The following STIM1 variants were observed in gnomAD, a reference collection of about 807,000 sequenced individuals.
STIM1 encodes stromal interaction molecule 1.
STIM1 carries 25 observed loss-of-function variants against 74.7 expected under a neutral mutation model. The ratio of observed to expected loss-of-function variants is 0.33; its 90% CI spans 0.24 to 0.47. STIM1 has a LOEUF of 0.47. STIM1 is among the 20% of genes least tolerant of loss of function. The pLI is 1.00. For missense variants in STIM1, 728 were observed against 920.8 expected, an observed-to-expected ratio of 0.79 and a Z score of 2.71; for synonymous variants, 328 against 348.8, an observed-to-expected ratio of 0.94 and a Z score of 0.66.
chr11:3,895,865 C>CTT (rs2092144431), intron 1 of STIM1, among the ~76,000 whole-genome samples: 3 of 93,422 alleles, frequency 3.2e-5, no homozygotes, highest in East Asian at 2.7e-4. Context: ...CTCTCTCTCT[C>CTT]TCTTTCTTTT....
intron 1 of STIM1, among the ~76,000 whole-genome samples, chr11:3,897,623 T>C (rs1485150393): frequency 1.3e-5 from 2 of 152,182 alleles, no homozygotes; most frequent in Non-Finnish European, 2.9e-5. Flanking sequence ...TAACTCGTCA[T>C]TTAGCATTAG....
At chr11:3,974,513 CAA>C (rs554777497) in intron 2 of STIM1, among the ~76,000 whole-genome samples, 12 of 70,264 alleles carry the variant, frequency 1.7e-4, no homozygotes, top group South Asian at 4.5e-4. Context: ...CTATCTCTAC[CAA>C]AAAAAAAAAA....
chr11:4,089,055 G>C (rs781716195), intron 12 of STIM1: 13 of 300,052 alleles, frequency 4.3e-5, no homozygotes, highest in Non-Finnish European at 7.9e-5. Flanking sequence ...AACAAAGTGA[G>C]ACCCTGTCTC....
chr11:3,891,453 C>T (rs983061378), intron 1 of STIM1, among the ~76,000 whole-genome samples: 11 of 151,866 alleles, frequency 7.2e-5, no homozygotes, highest in Non-Finnish European at 1.2e-4. Flanking sequence ...CCACCATATC[C>T]GGCTAATTTT....
At chr11:3,960,808 C>G (rs567489490) in intron 1 of STIM1, among the ~76,000 whole-genome samples, 1 of 152,280 alleles carries the variant, frequency 6.6e-6, no homozygotes, top group Admixed American at 6.5e-5. Flanking sequence ...TTATGTCTGT[C>G]TTCTATTAAG....
intron 7 of STIM1, 136 bp downstream of exon 7, chr11:4,074,815 T>C: frequency 1.0e-6 from 1 of 993,242 alleles, no homozygotes; most frequent in Middle Eastern, 3.2e-4. Context: ...ACTGGACTCT[T>C]ACCAACAATA....
chr11:3,957,655 C>T (rs1421611917), intron 1 of STIM1, among the ~76,000 whole-genome samples: 4 of 151,930 alleles, frequency 2.6e-5, no homozygotes, highest in African/African-American at 7.3e-5. Context: ...CTCCTGGACT[C>T]GAGCAGTCCT....
chr11:4,043,715 T>A (rs1395882912), intron 3 of STIM1, among the ~76,000 whole-genome samples: 1 of 152,156 alleles, frequency 6.6e-6, no homozygotes, highest in African/African-American at 2.4e-5. Flanking sequence ...GTAGATTATG[T>A]CATTAAAAAG....
intron 2 of STIM1, among the ~76,000 whole-genome samples, chr11:3,976,189 G>A (rs1029794204): frequency 6.6e-6 from 1 of 152,054 alleles, no homozygotes; most frequent in Non-Finnish European, 1.5e-5. Context: ...AAAACAAAAG[G>A]CAAAAACAAA....
intron 3 of STIM1, among the ~76,000 whole-genome samples, chr11:4,032,196 G>T (rs962010879): frequency 1.3e-4 from 20 of 152,182 alleles, no homozygotes; most frequent in Non-Finnish European, 2.1e-4. Context: ...TAAGCTGAGT[G>T]CAGTAGCATA....
chr11:4,084,499 T>C (rs890083345), intron 10 of STIM1, among the ~76,000 whole-genome samples, 174 bp from the exon 11 acceptor site: 2 of 152,246 alleles, frequency 1.3e-5, no homozygotes, highest in African/African-American at 4.8e-5. Flanking sequence ...AGGCAGAGCT[T>C]GATCCTGACT....
chr11:3,948,380 A>C (rs2093105407), intron 1 of STIM1, among the ~76,000 whole-genome samples: 1 of 152,144 alleles, frequency 6.6e-6, no homozygotes, highest in South Asian at 2.1e-4. Context: ...TATAAGAGAA[A>C]AAAATTAAGG....
At chr11:3,931,617 C>G (rs979338270) in intron 1 of STIM1, among the ~76,000 whole-genome samples, 1 of 152,170 alleles carries the variant, frequency 6.6e-6, no homozygotes, top group African/African-American at 2.4e-5. Context: ...TTCACACTTA[C>G]CAGATCCATG....
intron 2 of STIM1, among the ~76,000 whole-genome samples, chr11:3,987,661 G>GTAACTA: frequency 6.6e-6 from 1 of 152,296 alleles, no homozygotes; most frequent in African/African-American, 2.4e-5. Context: ...CTGTCACATA[G>GTAACTA]TAACTACTCA....
At chr11:3,878,895 T>C (rs1382790343) in intron 1 of STIM1, among the ~76,000 whole-genome samples, 1 of 152,170 alleles carries the variant, frequency 6.6e-6, no homozygotes, top group Non-Finnish European at 1.5e-5. Flanking sequence ...CTACCCATTG[T>C]GGCCTCCTTG....
At position 3,992,499 on chromosome 11, in the gene STIM1, TA is replaced by T. The variant is rs753892382; in HGVS notation, c.270+24818del. Among the ~76,000 whole-genome samples, 5 of 152,348 alleles carry T rather than the reference TA, an allele frequency of 3.3e-5. No homozygotes were observed. The East Asian group carries it at 5.8e-4, about 18-fold the overall frequency. ...GGTATTGAGTTGTTAAAGTTCTTTATATATTTTAGGTACAAATCCCTTATGA... is the reference window on the plus strand; with the variant it reads ...GGTATTGAGTTGTTAAAGTTCTTTATTATTTTAGGTACAAATCCCTTATGA... On this transcript the variant is annotated intron_variant, in intron 2 of 12. Transcript: ENST00000526596.
chr11:4,057,270 A>G (rs17173869), intron 4 of STIM1, among the ~76,000 whole-genome samples: 5,946 of 152,280 alleles, frequency 0.039, 374 homozygotes, highest in African/African-American at 0.13. Flanking sequence ...AAAGCATAGG[A>G]TAAGAAGTCA....
intron 1 of STIM1, among the ~76,000 whole-genome samples, chr11:3,945,297 C>T (rs1345199727): frequency 1.3e-5 from 2 of 152,124 alleles, no homozygotes; most frequent in South Asian, 2.1e-4. Flanking sequence ...GTTGTGTAGG[C>T]TGGGCATGGT....
chr11:4,033,178 C>T (rs931234417), intron 3 of STIM1, among the ~76,000 whole-genome samples: 20 of 151,822 alleles, frequency 1.3e-4, no homozygotes, highest in African/African-American at 4.1e-4. Context: ...AGATATGTGG[C>T]GTTATTTCTG....
Sources: allele counts gnomAD v4.1 joint callset (sites outside exome capture counted in the v4.1 genomes callset), GRCh38; gene constraint gnomAD v4.1.1; transcripts MANE v1.5; gene names NCBI Gene and HGNC (gene_info 2026-07-23, HGNC 2026-07-21).